The following XYLB variants were observed in gnomAD, a reference collection of about 807,000 sequenced individuals.
XYLB encodes xylulose kinase.
Under a neutral mutation model 78.7 loss-of-function variants are expected in XYLB, and 62 were observed. That is an observed-to-expected ratio of 0.79 (90% CI 0.64 to 0.97). XYLB has a LOEUF of 0.97. XYLB is among the 50% of genes least tolerant of loss of function. XYLB has a pLI of 0.00. For synonymous variants in XYLB, 245 were observed against 247.4 expected, an observed-to-expected ratio of 0.99 and a Z score of 0.09; for missense variants, 687 against 676.8, an observed-to-expected ratio of 1.02 and a Z score of -0.17.
chr3:38,378,968 A>G (rs1440938343), intron 14 of XYLB, among the ~76,000 whole-genome samples: 1 of 151,834 alleles, frequency 6.6e-6, no homozygotes, highest in Non-Finnish European at 1.5e-5. Flanking sequence ...GCAGAGCTGA[A>G]TGGTAGACAG....
chr3:38,364,218 T>C (rs1706124950), intron 4 of XYLB, among the ~76,000 whole-genome samples: 1 of 151,948 alleles, frequency 6.6e-6, no homozygotes, highest in Non-Finnish European at 1.5e-5. Context: ...CATCCCTGCC[T>C]CCTCCACCTT....
the XYLB span, among the ~76,000 whole-genome samples, chr3:38,449,684 C>G: frequency 1.3e-5 from 2 of 152,228 alleles, no homozygotes; most frequent in African/African-American, 4.8e-5. Flanking sequence ...TTTCCCTTGT[C>G]TCTCCAATAG....
chr3:38,418,482 C>T (rs1280389611), downstream of XYLB, among the ~76,000 whole-genome samples: 1 of 152,054 alleles, frequency 6.6e-6, no homozygotes, highest in Non-Finnish European at 1.5e-5. Context: ...GACACAATTC[C>T]AACATACAAG....
intron 2 of XYLB, 75 bp downstream of exon 2, chr3:38,348,707 A>C: frequency 2.2e-6 from 3 of 1,371,348 alleles, no homozygotes. Flanking sequence ...TTGTATTCGC[A>C]GACCGCACTG....
At chr3:38,448,437 A>G in the XYLB span, among the ~76,000 whole-genome samples, 1 of 152,226 alleles carries the variant, frequency 6.6e-6, no homozygotes, top group Non-Finnish European at 1.5e-5. Context: ...TCCTCCATGA[A>G]TTTGTACAAA....
chr3:38,385,803 G>C (rs1168886678), intron 15 of XYLB, among the ~76,000 whole-genome samples: 1 of 152,170 alleles, frequency 6.6e-6, no homozygotes, highest in African/African-American at 2.4e-5. Flanking sequence ...CTCTGAGTGG[G>C]AGAGATGTTT....
chr3:38,374,577 T>A, intron 11 of XYLB, 75 bp downstream of exon 11: 1 of 1,587,564 alleles, frequency 6.3e-7, no homozygotes, highest in East Asian at 2.3e-5. Context: ...GTAGCAGAGG[T>A]GCTGCTGAGA....
intron 6 of XYLB, among the ~76,000 whole-genome samples, chr3:38,366,236 G>C (rs779093517): frequency 6.6e-6 from 1 of 152,178 alleles, no homozygotes; most frequent in South Asian, 2.1e-4. Flanking sequence ...AAGTTTTGGG[G>C]ATAGGGCCAA....
chr3:38,386,735 A>T (rs144801481), intron 15 of XYLB, among the ~76,000 whole-genome samples: 1 of 152,204 alleles, frequency 6.6e-6, no homozygotes, highest in African/African-American at 2.4e-5. Flanking sequence ...GCACTACAAG[A>T]ATGACTAAAG....
At chr3:38,419,603 T>TATATATAA (rs71085322), downstream of XYLB, among the ~76,000 whole-genome samples, 176 of 80,814 alleles carry the variant, frequency 2.2e-3, 31 homozygotes, top group East Asian at 0.026. Context: ...TATATATATA[T>TATATATAA]AATAGCCATC....
At chr3:38,371,676 C>A (rs940021727) in intron 9 of XYLB, among the ~76,000 whole-genome samples, 1 of 152,184 alleles carries the variant, frequency 6.6e-6, no homozygotes, top group African/African-American at 2.4e-5. Context: ...GTGTGAACCA[C>A]CGTGCTCGGC....
downstream of XYLB, among the ~76,000 whole-genome samples, chr3:38,425,812 A>G (rs751561673): frequency 6.6e-6 from 1 of 152,204 alleles, no homozygotes; most frequent in Non-Finnish European, 1.5e-5. Flanking sequence ...GAGACTGACA[A>G]TAAGTCCACC....
chr3:38,417,063 G>C (rs982673563), downstream of XYLB, among the ~76,000 whole-genome samples: 2 of 152,152 alleles, frequency 1.3e-5, no homozygotes, highest in Non-Finnish European at 2.9e-5. Context: ...TACATATAAC[G>C]ATATAAGTGA....
chr3:38,440,282 G>C, the XYLB span, among the ~76,000 whole-genome samples: 1 of 152,270 alleles, frequency 6.6e-6, no homozygotes, highest in Non-Finnish European at 1.5e-5. Flanking sequence ...ATTATTCTTT[G>C]CTATTAATAA....
At chr3:38,425,838 G>A (rs1317234845), downstream of XYLB, among the ~76,000 whole-genome samples, 1 of 152,120 alleles carries the variant, frequency 6.6e-6, no homozygotes, top group African/African-American at 2.4e-5. Context: ...TGCTTGTAGT[G>A]GGTCATTTAA....
At position 38,376,977 on chromosome 3, in the gene XYLB, A is replaced by G; in HGVS notation, c.1180A>G (p.Thr394Ala). The G allele has an allele frequency of 1.2e-6, 2 of 1,614,026 alleles. No individual in the cohort carries two copies. The highest frequency in any genetic ancestry group is 1.7e-6 in the Non-Finnish European group (2 of 1,179,904). ...AATTATTGGACGTCATAGGTTTAAC[A>G]CAGAAAACCACAAGGTACATGTGCT... ...PEIIGRHRFNTENHKVAAFPG... is the reference protein window; with the variant it reads ...PEIIGRHRFNAENHKVAAFPG... Residue 394 changes from threonine to alanine, a missense_variant, in exon 14 of 19, where the codon ACA becomes GCA. Transcript: ENST00000207870.
At chr3:38,364,193 G>A (rs533551963) in intron 4 of XYLB, among the ~76,000 whole-genome samples, 1 of 151,908 alleles carries the variant, frequency 6.6e-6, no homozygotes, top group African/African-American at 2.4e-5. Flanking sequence ...TCCACCCAGG[G>A]CACAACTCAA....
At chr3:38,440,516 G>A in the XYLB span, among the ~76,000 whole-genome samples, 73,707 of 151,990 alleles carry the variant, frequency 0.48, 19,962 homozygotes, top group Non-Finnish European at 0.61. Flanking sequence ...CTATCATCCT[G>A]TCCCAAAGGG....
chr3:38,400,489 A>G (rs1009264892), intron 17 of XYLB, among the ~76,000 whole-genome samples: 4 of 152,078 alleles, frequency 2.6e-5, no homozygotes, highest in African/African-American at 9.7e-5. Context: ...TCTGAGGCAG[A>G]ATGAGTGGAG....
Sources: allele counts gnomAD v4.1 joint callset (sites outside exome capture counted in the v4.1 genomes callset), GRCh38; gene constraint gnomAD v4.1.1; transcripts MANE v1.5; gene names NCBI Gene and HGNC (gene_info 2026-07-23, HGNC 2026-07-21).